Variants in BRWD1 observed in about 807,000 individuals in gnomAD.
The protein encoded by BRWD1 is bromodomain and WD repeat domain containing 1.
A neutral mutation model predicts 251.2 loss-of-function variants in BRWD1; 82 were observed. That is an observed-to-expected ratio of 0.33 (90% CI 0.27 to 0.39). BRWD1 has a LOEUF of 0.39. BRWD1 is among the 10% of genes least tolerant of loss of function. The pLI, the probability that BRWD1 is intolerant of heterozygous loss-of-function variation, is 1.00. For missense variants in BRWD1, 2,233 were observed against 2,711.6 expected, an observed-to-expected ratio of 0.82 and a Z score of 3.92; for synonymous variants, 918 against 902.8, an observed-to-expected ratio of 1.02 and a Z score of -0.30.
chr21:39,284,350 A>G (rs1221018160), intron 8 of BRWD1, among the ~76,000 whole-genome samples: 4 of 152,158 alleles, frequency 2.6e-5, no homozygotes, highest in African/African-American at 4.8e-5. Flanking sequence ...GACGTGGCAC[A>G]CACCTATAGT....
intron 20 of BRWD1, among the ~76,000 whole-genome samples, chr21:39,249,620 C>T (rs1453809707): frequency 2.0e-5 from 3 of 152,154 alleles, no homozygotes; most frequent in Non-Finnish European, 4.4e-5. Context: ...AATCAATTTT[C>T]ACATGAGTGG....
chr21:39,210,862 T>C lies in BRWD1; in HGVS notation c.3968A>G (p.Lys1323Arg). ...CTGAAAAATTAAGTTCACTAGTTCCTTACACTGTTTCTTCCAGTTGCTTTC... is the reference window on the plus strand; with the variant it reads ...CTGAAAAATTAAGTTCACTAGTTCCCTACACTGTTTCTTCCAGTTGCTTTC... Reference protein sequence around the residue: ...YVESNWKKQCKELVNLIFQCE... With the variant: ...YVESNWKKQCRELVNLIFQCE... Residue 1323 changes from lysine (K) to arginine (R), a missense_variant, in exon 35 of 41, where the codon AAG becomes AGG. Around this residue, in one of 12 missense-constraint regions of BRWD1, gnomAD observed 167 missense variants for 183.2 expected, o/e 0.91. Coordinates refer to ENST00000342449, the MANE Select transcript of BRWD1 (RefSeq NM_033656.4). 6.2e-7 allele frequency: 1 copy of C among 1,612,998 alleles called. No individual in the cohort carries two copies. Among genetic ancestry groups the C allele is most frequent in the Non-Finnish European group, 8.5e-7 (1 of 1,179,582 alleles).
intron 22 of BRWD1, among the ~76,000 whole-genome samples, chr21:39,237,516 C>T (rs767218810): frequency 7.2e-5 from 11 of 151,888 alleles, no homozygotes; most frequent in African/African-American, 2.2e-4. Context: ...AAACACATTA[C>T]AAAAAGGTAT....
At chr21:39,292,123 G>C (rs990818105) in intron 8 of BRWD1, among the ~76,000 whole-genome samples, 2 of 50,880 alleles carry the variant, frequency 3.9e-5, no homozygotes, top group Non-Finnish European at 8.9e-5. Context: ...TGTGGGGGGT[G>C]GGTGGGGGTG....
intron 1 of BRWD1, 22 bp from the exon 2 acceptor site, chr21:39,313,321 G>C (rs201152726): frequency 5.9e-6 from 9 of 1,529,294 alleles, no homozygotes; most frequent in Admixed American, 3.7e-5. Context: ...CAAGGAGTCA[G>C]GTCAAGCCCC....
intron 29 of BRWD1, among the ~76,000 whole-genome samples, chr21:39,222,845 C>G (rs1447924273): frequency 6.6e-6 from 1 of 152,134 alleles, no homozygotes; most frequent in Non-Finnish European, 1.5e-5. Context: ...AAAGTATTTA[C>G]TTTACACTGG....
intron 13 of BRWD1, among the ~76,000 whole-genome samples, chr21:39,273,490 A>G (rs547072661): frequency 3.0e-4 from 46 of 152,334 alleles, no homozygotes; most frequent in African/African-American, 1.1e-3. Flanking sequence ...GTTGTTAAAA[A>G]CAAAGCATTT....
At chr21:39,284,143 G>A (rs2035557711) in intron 8 of BRWD1, among the ~76,000 whole-genome samples, 1 of 152,174 alleles carries the variant, frequency 6.6e-6, no homozygotes, top group African/African-American at 2.4e-5. Context: ...ATGAAAGAAT[G>A]TATTATTTAT....
intron 29 of BRWD1, among the ~76,000 whole-genome samples, chr21:39,222,174 C>G (rs185292486): frequency 6.6e-6 from 1 of 152,158 alleles, no homozygotes; most frequent in Non-Finnish European, 1.5e-5. Flanking sequence ...AGAGTTACCA[C>G]GTAACCCAGC....
At chr21:39,287,966 A>G (rs1284115931) in intron 8 of BRWD1, among the ~76,000 whole-genome samples, 1 of 152,182 alleles carries the variant, frequency 6.6e-6, no homozygotes, top group Admixed American at 6.5e-5. Context: ...TCATTATCTC[A>G]TAGTCTCTAT....
chr21:39,264,560 T>C lies in BRWD1; in HGVS notation c.1785A>G (p.Val595=), dbSNP rs2034860790. ...ACTTGGTTGGATGAGGATTTCCATC[T>C]ACATCTACCAAGAATGGTGGAGGCA... ...HLMPPPFLVD[V]DGNPHPTKYQ... Residue 595 remains valine, a synonymous_variant, in exon 17 of 41, where the codon GTA becomes GTG. Transcript: ENST00000342449. 1.2e-6 allele frequency: 2 copies of C among 1,613,332 alleles called. No homozygotes were observed. Among genetic ancestry groups the C allele is most frequent in the African/African-American group, 2.7e-5 (2 of 74,890 alleles).
At chr21:39,254,771 C>T (rs1272759806) in intron 19 of BRWD1, among the ~76,000 whole-genome samples, 1 of 152,168 alleles carries the variant, frequency 6.6e-6, no homozygotes, top group Non-Finnish European at 1.5e-5. Context: ...ATTAATGAAT[C>T]TACACATTAA....
chr21:39,299,247 CAAA>C (rs34445556), intron 4 of BRWD1, among the ~76,000 whole-genome samples: 1 of 114,752 alleles, frequency 8.7e-6, no homozygotes, highest in Non-Finnish European at 1.8e-5. Flanking sequence ...TCGCCTGTCT[CAAA>C]AAAAAAAAAA....
chr21:39,278,873 AAAT>A, intron 9 of BRWD1, 60 bp from the exon 10 acceptor site: 1 of 1,277,394 alleles, frequency 7.8e-7, no homozygotes, highest in South Asian at 1.6e-5. Context: ...ACACAGCTTA[AAAT>A]ATTAGTTTTA....
intron 30 of BRWD1, 32 bp downstream of exon 30, chr21:39,218,473 A>G: frequency 1.9e-6 from 3 of 1,545,012 alleles, no homozygotes; most frequent in Non-Finnish European, 2.6e-6. Context: ...ATTGAAAAAA[A>G]AACTTTTCAT....
intron 5 of BRWD1, chr21:39,297,968 T>A: frequency 2.0e-6 from 2 of 985,530 alleles, no homozygotes; most frequent in South Asian, 9.4e-5. Context: ...AAAAGAACCA[T>A]GCAGTTTTAC....
In BRWD1 at chr21:39,200,252, C is replaced by A. The variant is rs565800287; in HGVS notation, c.4720G>T (p.Val1574Leu). Residue 1574 changes from valine to leucine, a missense_variant, in exon 39 of 41, where the codon GTA (valine) becomes TTA (leucine). Transcript: ENST00000342449. ...CTTTGAGCAGCTCTAGTTCTGGTTA[C>A]CCTGAGATTGCTGCTTCTGGATAGC... ...SGLSRSSNLR[V>L]TRTRAAQRKT... The A allele has an allele frequency of 5.6e-6, 9 of 1,613,842 alleles. No individual in the cohort carries two copies. The highest frequency in any genetic ancestry group is 5.3e-5 in the African/African-American group (4 of 74,994).
chr21:39,225,753 T>C (rs1300677175), intron 27 of BRWD1, among the ~76,000 whole-genome samples: 1 of 152,204 alleles, frequency 6.6e-6, no homozygotes, highest in Non-Finnish European at 1.5e-5. Flanking sequence ...CCATAACTAC[T>C]AGACCTACAT....
At chr21:39,289,351 T>C (rs2035736677) in intron 8 of BRWD1, among the ~76,000 whole-genome samples, 1 of 152,234 alleles carries the variant, frequency 6.6e-6, no homozygotes, top group South Asian at 2.1e-4. Context: ...ATACTGAAGT[T>C]ACCGCCTCCT....
Sources: allele counts gnomAD v4.1 joint callset (sites outside exome capture counted in the v4.1 genomes callset), GRCh38; gene constraint gnomAD v4.1.1; regional missense constraint gnomAD v4.1.1; transcripts MANE v1.5; gene names NCBI Gene and HGNC (gene_info 2026-07-23, HGNC 2026-07-21).